PAK5: variants seen among roughly 807,000 people sequenced by gnomAD.
PAK5 encodes p21 (RAC1) activated kinase 5.
A neutral mutation model predicts 65.9 loss-of-function variants in PAK5; 16 were observed. The observed-to-expected ratio is 0.24, with a 90% CI of 0.16 to 0.37. The LOEUF is 0.37. Ranked by LOEUF, PAK5 falls within the 10% of genes least tolerant of loss-of-function variation. The probability of loss-of-function intolerance (pLI) is 1.00; values close to 1 mark genes in which losing one functional copy is unlikely to be tolerated. For synonymous variants in PAK5, 371 were observed against 354.9 expected (o/e 1.05, Z -0.51); for missense variants, 785 against 903.9 (o/e 0.87, Z 1.69).
chr20:9,548,237 T>C (rs1330885982), intron 7 of PAK5, among the ~76,000 whole-genome samples: 1 of 152,162 alleles, frequency 6.6e-6, no homozygotes, highest in Non-Finnish European at 1.5e-5. Context: ...GAGGTGGTTA[T>C]CTTATGGTCC....
At chr20:9,551,470 G>A (rs577432068) in intron 7 of PAK5, among the ~76,000 whole-genome samples, 1 of 152,162 alleles carries the variant, frequency 6.6e-6, no homozygotes, top group Admixed American at 6.5e-5. Context: ...CATCTCTCAC[G>A]TGTCCTGGCC....
intron 3 of PAK5, among the ~76,000 whole-genome samples, chr20:9,596,454 G>A (rs1489375589): frequency 6.6e-6 from 1 of 151,930 alleles, no homozygotes; most frequent in Non-Finnish European, 1.5e-5. Flanking sequence ...GGCTAACACA[G>A]TGAAACCCCG....
rs1979307501 is a variant in PAK5 at position 9,838,194 on chromosome 20, C to G, written c.-162+568G>C. 8.1e-6 allele frequency among the ~76,000 whole-genome samples: 1 copy of G among 123,142 alleles called. No homozygotes were observed. Among genetic ancestry groups the G allele is most frequent in the African/African-American group, 3.6e-5 (1 of 27,894 alleles). 80.8% of individuals were successfully genotyped at this position (123,142 alleles called of 152,430 possible). ...ACAACCCACCAGGCGCGCGCGCACA[C>G]ACACACGCGCGCACACACACACACA... On this transcript the variant is annotated intron_variant, in intron 1 of 9. Coordinates refer to ENST00000353224, the MANE Select transcript of PAK5 (RefSeq NM_177990.4). The surrounding 1 kb of genome is among the most constrained non-coding windows in gnomAD (Gnocchi z 4.5).
intron 1 of PAK5, among the ~76,000 whole-genome samples, chr20:9,714,333 T>C (rs191034237): frequency 1.3e-5 from 2 of 152,232 alleles, no homozygotes; most frequent in African/African-American, 4.8e-5. Context: ...TTGGATGAGA[T>C]AAGAAATAAC....
At chr20:9,757,790 T>C (rs1228398754) in intron 1 of PAK5, among the ~76,000 whole-genome samples, 2 of 152,176 alleles carry the variant, frequency 1.3e-5, no homozygotes, top group African/African-American at 4.8e-5. Context: ...ATTTTTAAAC[T>C]TTTACTTGAA....
intron 2 of PAK5, among the ~76,000 whole-genome samples, chr20:9,656,253 T>C (rs1252705223): frequency 6.6e-6 from 1 of 152,070 alleles, no homozygotes; most frequent in East Asian, 1.9e-4. Context: ...AGATGAGCAG[T>C]AATATTTGTT....
chr20:9,584,887 G>A (rs1229426436), intron 3 of PAK5, among the ~76,000 whole-genome samples: 1 of 152,142 alleles, frequency 6.6e-6, no homozygotes, highest in African/African-American at 2.4e-5. Context: ...AGGAATTCAT[G>A]GTTCCTCCAA....
intron 2 of PAK5, among the ~76,000 whole-genome samples, chr20:9,652,491 G>A (rs1158641354): frequency 2.0e-5 from 3 of 152,040 alleles, no homozygotes; most frequent in African/African-American, 4.8e-5. Flanking sequence ...TCCTTTCCTT[G>A]GATTCATCTA....
rs971437364 is a variant in PAK5, at chr20:9,566,234, T to A, written c.1141A>T (p.Thr381Ser). The A allele has an allele frequency of 6.2e-6, 10 of 1,613,792 alleles. No individual in the cohort carries two copies. The highest frequency in any genetic ancestry group is 8.5e-6 in the Non-Finnish European group (10 of 1,179,958). ...HQYPSGYHKA[T>S]LYHHPSLQSS... Reference sequence around the variant, plus strand: ...TGCAGGGAGGGGTGATGGTACAAGGTGGCTTTGTGGTACCCAGACGGGTAC... The same window carrying A: ...TGCAGGGAGGGGTGATGGTACAAGGAGGCTTTGTGGTACCCAGACGGGTAC... Residue 381 changes from threonine (T) to serine (S), a missense_variant, in exon 5 of 10, where the codon ACC becomes TCC. Coordinates refer to ENST00000353224, the MANE Select transcript of PAK5 (RefSeq NM_177990.4).
chr20:9,618,803 G>A (rs983482086), intron 3 of PAK5, among the ~76,000 whole-genome samples: 3 of 149,728 alleles, frequency 2.0e-5, no homozygotes, highest in Non-Finnish European at 3.0e-5. Flanking sequence ...GAAAAGCTGA[G>A]ATGAATCGAT....
intron 2 of PAK5, among the ~76,000 whole-genome samples, chr20:9,647,826 T>G (rs1214390414): frequency 1.3e-5 from 2 of 152,112 alleles, no homozygotes; most frequent in African/African-American, 2.4e-5. Context: ...AGTTCACAGG[T>G]GCAGAGACAA....
Position 9,614,697 on chromosome 20 carries a change from C to T in PAK5, c.204+29428G>A, listed in dbSNP as rs552345306. On this transcript the variant is annotated intron_variant, in intron 3 of 9. Transcript: ENST00000353224. ...AATATTGAATGTGTTGAGAAAAAAA[C>T]TCCACCAGTCTAGCATTCTATACTC... Among the ~76,000 whole-genome samples the T allele has an allele frequency of 1.2e-4, 18 of 152,288 alleles. No individual in the cohort carries two copies. The East Asian group carries it at 1.9e-3, about 16-fold the overall frequency.
chr20:9,766,259 CTAATTGAATATATATATAT>C (rs1205474246), intron 1 of PAK5, among the ~76,000 whole-genome samples: 257 of 144,820 alleles, frequency 1.8e-3, no homozygotes, highest in African/African-American at 2.5e-3. Context: ...TATATATGTT[CTAATTGAATATATATATAT>C]TCTAATTGAA....
chr20:9,581,082 T>C (rs1484424942), intron 3 of PAK5, 152 bp from the exon 4 acceptor site: 3 of 609,132 alleles, frequency 4.9e-6, no homozygotes, highest in Non-Finnish European at 5.7e-6. Context: ...AATGTGTTGA[T>C]TGACTTCAGT....
At chr20:9,557,145 T>C (rs369984102) in intron 7 of PAK5, among the ~76,000 whole-genome samples, 1 of 152,326 alleles carries the variant, frequency 6.6e-6, no homozygotes. Flanking sequence ...TTCCTTATGA[T>C]TTTTCTACAT....
intron 2 of PAK5, among the ~76,000 whole-genome samples, chr20:9,669,234 A>G (rs1280580322): frequency 6.6e-6 from 1 of 152,124 alleles, no homozygotes; most frequent in Non-Finnish European, 1.5e-5. Context: ...TAAAAAGTGT[A>G]TTTAGGATGG....
At chr20:9,739,889 A>T (rs1168616310) in intron 1 of PAK5, among the ~76,000 whole-genome samples, 1 of 152,198 alleles carries the variant, frequency 6.6e-6, no homozygotes, top group Admixed American at 6.5e-5. Context: ...AGGCCTAATC[A>T]AACTTGGACA....
intron 1 of PAK5, among the ~76,000 whole-genome samples, chr20:9,737,719 C>T (rs1381654707): frequency 6.6e-6 from 1 of 152,112 alleles, no homozygotes; most frequent in Non-Finnish European, 1.5e-5. Context: ...GACAACTATA[C>T]ACATAAAATA....
At chr20:9,541,614 A>G (rs1344956006) in intron 9 of PAK5, among the ~76,000 whole-genome samples, 3 of 152,060 alleles carry the variant, frequency 2.0e-5, no homozygotes, top group African/African-American at 7.2e-5. Context: ...AGATCTTTGC[A>G]TGGCTGGTAC....
Sources: allele counts gnomAD v4.1 joint callset (sites outside exome capture counted in the v4.1 genomes callset), GRCh38; gene constraint gnomAD v4.1.1; non-coding constraint Gnocchi (gnomAD v3.1); transcripts MANE v1.5; gene names NCBI Gene and HGNC (gene_info 2026-07-23, HGNC 2026-07-21).